Variants in FRMPD4 observed in about 807,000 individuals in gnomAD.
FRMPD4 encodes the protein FERM and PDZ domain containing 4, also known as FERM and PDZ domain-containing protein 4.
Under a neutral mutation model 94.1 loss-of-function variants are expected in FRMPD4, and 22 were observed. The observed-to-expected ratio is 0.23, with a 90% CI of 0.17 to 0.33. The LOEUF (loss-of-function observed/expected upper bound fraction) is 0.33. Ranked by LOEUF, FRMPD4 falls within the 10% of genes least tolerant of loss-of-function variation. The probability of loss-of-function intolerance (pLI) is 1.00; values close to 1 mark genes in which losing one functional copy is unlikely to be tolerated. For synonymous variants in FRMPD4, 631 were observed against 548.6 expected, an observed-to-expected ratio of 1.15 and a Z score of -2.10; for missense variants, 1,111 against 1,339.9, an observed-to-expected ratio of 0.83 and a Z score of 2.67.
intron 3 of FRMPD4, among the ~76,000 whole-genome samples, chrX:12,026,753 G>A (rs1296465852): frequency 8.9e-6 from 1 of 112,094 alleles, no homozygotes; most frequent in African/African-American, 3.2e-5. Context: ...AGTTGGTCAA[G>A]CAATAATTAT....
chrX:12,659,336 T>C (rs1339965389), intron 4 of FRMPD4, among the ~76,000 whole-genome samples: 1 of 112,850 alleles, frequency 8.9e-6, no homozygotes, highest in Non-Finnish European at 1.9e-5. Flanking sequence ...ATGGTGGTAT[T>C]TGTTATTTAT....
chrX:12,278,251 G>C (rs751901695), intron 1 of FRMPD4, among the ~76,000 whole-genome samples: 2 of 112,281 alleles, frequency 1.8e-5, no homozygotes, highest in African/African-American at 3.2e-5. Context: ...TACCAAGCCT[G>C]TTCCTTGACA....
intron 9 of FRMPD4, among the ~76,000 whole-genome samples, chrX:12,699,616 TG>T (rs2060167827): frequency 8.9e-6 from 1 of 112,274 alleles, no homozygotes; most frequent in South Asian, 3.7e-4. Context: ...CGGTTATAAA[TG>T]TGCTTCTGTT....
intron 1 of FRMPD4, among the ~76,000 whole-genome samples, chrX:12,278,688 C>T (rs1043143676): frequency 2.7e-5 from 3 of 111,572 alleles, no homozygotes; most frequent in Admixed American, 1.9e-4. Context: ...ACCTGAGACT[C>T]CCAGTGAACA....
intron 1 of FRMPD4, among the ~76,000 whole-genome samples, chrX:12,373,776 C>T (rs1289244264): frequency 8.9e-6 from 1 of 112,209 alleles, no homozygotes; most frequent in Admixed American, 9.5e-5. Context: ...GGAAACACAG[C>T]GTTTTCTTTG....
At chrX:12,095,546 A>G (rs192293450) in intron 3 of FRMPD4, among the ~76,000 whole-genome samples, 7 of 111,436 alleles carry the variant, frequency 6.3e-5, no homozygotes, top group Admixed American at 3.8e-4. Flanking sequence ...GACAGAGACT[A>G]TGTTGCCCAC....
intron 1 of FRMPD4, among the ~76,000 whole-genome samples, chrX:12,317,940 C>T (rs2055151552): frequency 8.9e-6 from 1 of 111,932 alleles, no homozygotes; most frequent in South Asian, 3.7e-4. Flanking sequence ...TCCAACAATC[C>T]CACTGCTGGG....
chrX:11,883,408 C>G (rs2053824701), intron 3 of FRMPD4, among the ~76,000 whole-genome samples: 2 of 111,915 alleles, frequency 1.8e-5, no homozygotes, highest in African/African-American at 6.5e-5. Flanking sequence ...TTTACCCATA[C>G]TTCTTTTTTT....
At chrX:12,159,276 A>G (rs1273575218) in intron 1 of FRMPD4, among the ~76,000 whole-genome samples, 1 of 112,130 alleles carries the variant, frequency 8.9e-6, no homozygotes, top group African/African-American at 3.2e-5. Context: ...GAAGGCTCAC[A>G]TGTCACTTCT....
chrX:11,878,529 C>A (rs2053797469), intron 3 of FRMPD4, among the ~76,000 whole-genome samples: 1 of 112,237 alleles, frequency 8.9e-6, no homozygotes, highest in Non-Finnish European at 1.9e-5. Context: ...GTTGGCTATG[C>A]AAATTGGTTT....
Position 12,718,472 on chromosome X carries a change from T to C in FRMPD4, c.3646T>C (p.Ser1216Pro). The change falls in exon 16 of 17, where the codon TCT becomes CCT. Residue 1216 changes from serine to proline, a missense_variant. Around this residue, in one of 8 missense-constraint regions of FRMPD4, gnomAD observed 551 missense variants for 591.6 expected, o/e 0.93. Transcript: ENST00000675598. ...GHFSLQSSQG[S>P]SVDAGCGTGS... is the part of the protein sequence containing the mutation. ...TTTTTCTCTGCAGAGCTCCCAAGGC[T>C]CTTCAGTGGATGCAGGCTGTGGCAC... 8.3e-7 allele frequency: 1 copy of C among 1,207,171 alleles called. No homozygotes were observed. The highest frequency in any genetic ancestry group is 1.1e-6 in the Non-Finnish European group (1 of 891,335).
rs764684007 is a variant in FRMPD4 at position 12,463,681 on chromosome X, G to GTTTTTTTTTT, written c.42-34998_42-34989dup. Among the ~76,000 whole-genome samples the GTTTTTTTTTT allele has an allele frequency of 1.6e-3, 80 of 51,033 alleles. 15 individuals are homozygous for GTTTTTTTTTT. Among genetic ancestry groups the GTTTTTTTTTT allele is most frequent in the African/African-American group, 2.6e-3 (30 of 11,591 alleles). The allele number at this position is 51,033 out of a possible 115,157, so 44.3% of individuals were successfully genotyped here. A position where few individuals can be genotyped will look rare whatever the true frequency, so the allele number is the denominator to read the frequency against. ...GGGTGCCTGTGCCTCCTATGTGTGT[G>GTTTTTTTTTT]TTTTTTTTTTGTTTTTGTTTTTTTT... On this transcript the variant is annotated intron_variant, in intron 1 of 16. Transcript: ENST00000675598.
At chrX:11,914,309 A>G (rs2054012645) in intron 3 of FRMPD4, among the ~76,000 whole-genome samples, 1 of 74,305 alleles carries the variant, frequency 1.3e-5, no homozygotes, top group Non-Finnish European at 2.7e-5. Context: ...TTTTTTTTTG[A>G]AAACGTCTAA....
chrX:11,883,989 A>C (rs2053829725), intron 3 of FRMPD4, among the ~76,000 whole-genome samples: 1 of 111,860 alleles, frequency 8.9e-6, no homozygotes, highest in Non-Finnish European at 1.9e-5. Flanking sequence ...ATAACCAGGA[A>C]ATAAACAAAT....
intron 2 of FRMPD4, among the ~76,000 whole-genome samples, chrX:12,592,390 A>G (rs1365491232): frequency 8.9e-6 from 1 of 112,223 alleles, no homozygotes; most frequent in Non-Finnish European, 1.9e-5. Context: ...GGTTATAGGA[A>G]TGTCAGCCAT....
chrX:12,362,434 C>T (rs1203685217), intron 1 of FRMPD4, among the ~76,000 whole-genome samples: 1 of 110,866 alleles, frequency 9.0e-6, no homozygotes, highest in Non-Finnish European at 1.9e-5. Flanking sequence ...TCAATTCCCA[C>T]CTATGAGTGA....
chrX:11,887,311 C>T (rs1413097973), intron 3 of FRMPD4, among the ~76,000 whole-genome samples: 1 of 111,332 alleles, frequency 9.0e-6, no homozygotes, highest in Non-Finnish European at 1.9e-5. Context: ...AAGAAGGAGC[C>T]CCAGGTCAGG....
chrX:12,251,680 T>G (rs2054042186), intron 1 of FRMPD4, among the ~76,000 whole-genome samples: 2 of 111,895 alleles, frequency 1.8e-5, no homozygotes, highest in Admixed American at 9.5e-5. Context: ...ACACAAACCC[T>G]CCTTTCAGTG....
At chrX:12,609,248 A>AGAG (rs1372976265) in intron 2 of FRMPD4, among the ~76,000 whole-genome samples, 1 of 111,498 alleles carries the variant, frequency 9.0e-6, no homozygotes, top group Non-Finnish European at 1.9e-5. Context: ...CAGGGGTGGC[A>AGAG]GAGGAGGAAG....
Sources: allele counts gnomAD v4.1 joint callset (sites outside exome capture counted in the v4.1 genomes callset), GRCh38; gene constraint gnomAD v4.1.1; regional missense constraint gnomAD v4.1.1; transcripts MANE v1.5; gene names NCBI Gene and HGNC (gene_info 2026-07-23, HGNC 2026-07-21).